RAPGEF2: variants seen among roughly 807,000 people sequenced by gnomAD.
RAPGEF2 encodes Rap guanine nucleotide exchange factor 2, also known as PDZ domain containing guanine nucleotide exchange factor (GEF) 1.
Under a neutral mutation model 186.7 loss-of-function variants are expected in RAPGEF2, and 54 were observed. The observed-to-expected ratio is 0.29, with a 90% CI of 0.23 to 0.36. The LOEUF (loss-of-function observed/expected upper bound fraction) is 0.36, where lower values mean the gene tolerates loss of function less well. Ranked by LOEUF, RAPGEF2 falls within the 10% of genes least tolerant of loss-of-function variation. The pLI is 1.00. For missense variants in RAPGEF2, 1,532 were observed against 2,045.0 expected (o/e 0.75, Z 4.84); for synonymous variants, 712 against 705.9 (o/e 1.01, Z -0.14).
At chr4:159,134,638 C>A (rs1741488475) in intron 1 of RAPGEF2, among the ~76,000 whole-genome samples, 2 of 152,206 alleles carry the variant, frequency 1.3e-5, no homozygotes, top group African/African-American at 4.8e-5. Context: ...TCAGCACTTA[C>A]ACGTGTCAGT....
At chr4:159,342,640 C>CT (rs1429842939) in intron 20 of RAPGEF2, among the ~76,000 whole-genome samples, 2 of 131,002 alleles carry the variant, frequency 1.5e-5, no homozygotes, top group Non-Finnish European at 3.2e-5. Flanking sequence ...TTTGCTCAGT[C>CT]GGTTTTATCA....
At chr4:159,326,542 T>G (rs923796873) in intron 11 of RAPGEF2, 8 of 152,224 alleles carry the variant, frequency 5.3e-5, no homozygotes, top group African/African-American at 1.9e-4. Flanking sequence ...ATGGATTAAA[T>G]TTAAGATTTA....
chr4:159,245,208 G>T (rs768452046), intron 7 of RAPGEF2, among the ~76,000 whole-genome samples: 2 of 151,974 alleles, frequency 1.3e-5, no homozygotes. Flanking sequence ...TTAGAAACAT[G>T]AATACTCATA....
chr4:159,342,002 G>A, intron 20 of RAPGEF2, 55 bp downstream of exon 20: 2 of 1,480,126 alleles, frequency 1.4e-6, no homozygotes, highest in Non-Finnish European at 1.8e-6. Context: ...TTTAAAATAT[G>A]TATCAGTCCA....
At chr4:159,177,466 C>T (rs13152174) in intron 1 of RAPGEF2, among the ~76,000 whole-genome samples, 39,572 of 151,974 alleles carry the variant, frequency 0.26, 6,017 homozygotes, top group Non-Finnish European at 0.34. Context: ...TATTATTCAC[C>T]GTCTTTTGCA....
intron 8 of RAPGEF2, among the ~76,000 whole-genome samples, chr4:159,305,839 A>G (rs568535745): frequency 2.6e-5 from 4 of 151,936 alleles, no homozygotes; most frequent in Non-Finnish European, 5.9e-5. Context: ...GTCGATTTTT[A>G]TTTATGCTGA....
At chr4:159,131,934 T>G (rs577902510) in intron 1 of RAPGEF2, among the ~76,000 whole-genome samples, 1 of 152,302 alleles carries the variant, frequency 6.6e-6, no homozygotes, top group East Asian at 1.9e-4. Context: ...ACAGTCTCCT[T>G]ACCAAGAGGA....
In RAPGEF2 at chr4:159,332,546, T is replaced by C. The variant is rs1235889807; in HGVS notation, c.1984T>C (p.Ser662Pro). Residue 662 changes from serine (S) to proline (P), a missense_variant, in exon 17 of 30, where the codon TCC becomes CCC. This residue lies in a region of RAPGEF2 where 810 missense variants were observed against 1,210.5 expected (regional missense o/e 0.67). Transcript: ENST00000691494. ...IGDIKKASRY[S>P]IPDLAVDVEQ... ...TGACATTAAAAAGGCCAGTCGCTACTCCATTCCAGATCTTGCTGTAGATGT... is the reference window on the plus strand; with the variant it reads ...TGACATTAAAAAGGCCAGTCGCTACCCCATTCCAGATCTTGCTGTAGATGT... 6 of 1,614,032 alleles carry C rather than the reference T, an allele frequency of 3.7e-6. No individual in the cohort carries two copies. In the Admixed American group the frequency reaches 1.0e-4, roughly 27 times the overall value.
At chr4:159,122,843 G>A (rs1406573081) in intron 1 of RAPGEF2, among the ~76,000 whole-genome samples, 1 of 152,194 alleles carries the variant, frequency 6.6e-6, no homozygotes, top group Non-Finnish European at 1.5e-5. Flanking sequence ...GTGTTCCCAA[G>A]AAGCAAAGAA....
intron 1 of RAPGEF2, among the ~76,000 whole-genome samples, chr4:159,182,516 C>G (rs1054871932): frequency 1.3e-5 from 2 of 151,584 alleles, no homozygotes; most frequent in African/African-American, 4.8e-5. Context: ...CTGCCTTAGC[C>G]TCCCAAGTAG....
chr4:159,262,965 A>C (rs1032681511), intron 7 of RAPGEF2, among the ~76,000 whole-genome samples: 1 of 152,104 alleles, frequency 6.6e-6, no homozygotes, highest in African/African-American at 2.4e-5. Flanking sequence ...ATTTAGATTC[A>C]CTTAGATGTT....
At chr4:159,289,937 G>A (rs1250146947) in intron 7 of RAPGEF2, among the ~76,000 whole-genome samples, 2 of 152,156 alleles carry the variant, frequency 1.3e-5, no homozygotes, top group Non-Finnish European at 2.9e-5. Context: ...GAAGAGAAGT[G>A]AGTGTGAGAA....
intron 7 of RAPGEF2, among the ~76,000 whole-genome samples, chr4:159,245,134 TTAATG>T (rs1754476420): frequency 6.6e-6 from 1 of 152,042 alleles, no homozygotes; most frequent in South Asian, 2.1e-4. Flanking sequence ...GATGTATACT[TTAATG>T]TACACTTTTT....
chr4:159,331,731 T>G lies in RAPGEF2; in HGVS notation c.1677T>G (p.Pro559=). ...AACCATCCCGAGAAGCTCCTTTGCC[T>G]TTTATCTTACTTGGAGGCTCTGAGA... is the stretch of plus-strand genomic sequence containing the variant. ...LTKPSREAPL[P]FILLGGSEKG... Residue 559 remains proline, a synonymous_variant, in exon 15 of 30, where the codon CCT becomes CCG. Transcript: ENST00000691494. 1 of 1,614,142 alleles carries G rather than the reference T, an allele frequency of 6.2e-7. No homozygotes were observed. The highest frequency in any genetic ancestry group is 8.5e-7 in the Non-Finnish European group (1 of 1,180,010).
intron 7 of RAPGEF2, 76 bp downstream of exon 7, chr4:159,243,867 A>G: frequency 9.9e-7 from 1 of 1,008,200 alleles, no homozygotes; most frequent in Non-Finnish European, 1.4e-6. Flanking sequence ...TAATGAATTT[A>G]TAATATTCAT....
intron 7 of RAPGEF2, among the ~76,000 whole-genome samples, chr4:159,301,294 G>A (rs907064859): frequency 2.9e-4 from 44 of 152,032 alleles, no homozygotes; most frequent in African/African-American, 8.7e-4. Flanking sequence ...GCTTAAATCC[G>A]GAAGGGTGGA....
chr4:159,215,653 A>G lies in RAPGEF2; in HGVS notation c.281+5070A>G, dbSNP rs1430893878. On this transcript the variant is annotated intron_variant, in intron 4 of 29. Coordinates refer to ENST00000691494, the MANE Select transcript of RAPGEF2 (RefSeq NM_001394067.2). ...TTTAATAGAAATAGTCATGTGTACCATATTTAATCATAAACAACATCTTTA... is the reference window on the plus strand; with the variant it reads ...TTTAATAGAAATAGTCATGTGTACCGTATTTAATCATAAACAACATCTTTA... Among the ~76,000 whole-genome samples the G allele has an allele frequency of 2.0e-5, 3 of 152,246 alleles. 1 individual carries two copies. Among genetic ancestry groups the G allele is most frequent in the South Asian group, 4.1e-4 (2 of 4,830 alleles).
intron 1 of RAPGEF2, among the ~76,000 whole-genome samples, chr4:159,152,011 A>G (rs1743596527): frequency 1.3e-5 from 2 of 152,124 alleles, no homozygotes; most frequent in Non-Finnish European, 2.9e-5. Flanking sequence ...AGTAGAAAGT[A>G]AGGTTTTGTA....
chr4:159,153,168 G>A (rs529825691), intron 1 of RAPGEF2, among the ~76,000 whole-genome samples: 1 of 152,258 alleles, frequency 6.6e-6, no homozygotes, highest in South Asian at 2.1e-4. Context: ...CTGGTGCAGT[G>A]GACTTGAGTT....
Sources: gnomAD v4.1 joint callset for allele counts (sites outside exome capture counted in the v4.1 genomes callset) on GRCh38, gnomAD v4.1.1 for gene constraint, gnomAD v4.1.1 regional missense constraint, MANE v1.5 for transcripts, NCBI Gene and HGNC (gene_info 2026-07-23, HGNC 2026-07-21) for gene names.